The following DNAH14 variants were observed in gnomAD, a reference collection of about 807,000 sequenced individuals.
The protein encoded by DNAH14 is dynein axonemal heavy chain 14.
DNAH14 carries 478 observed loss-of-function variants against 520.9 expected under a neutral mutation model. The observed-to-expected ratio is 0.92, with a 90% CI of 0.85 to 0.99. The LOEUF (loss-of-function observed/expected upper bound fraction) is 0.99. Ranked by LOEUF, DNAH14 falls within the 50% of genes least tolerant of loss-of-function variation. The probability of loss-of-function intolerance (pLI) is 0.00; values close to 1 mark genes in which losing one functional copy is unlikely to be tolerated. For missense variants in DNAH14, 4,831 were observed against 5,234.5 expected, an observed-to-expected ratio of 0.92 and a Z score of 2.38; for synonymous variants, 1,581 against 1,757.2, an observed-to-expected ratio of 0.90 and a Z score of 2.51.
In DNAH14 at chr1:225,167,966, T is replaced by C. The variant is rs575956585; in HGVS notation, c.5473T>C (p.Leu1825=). The C allele has an allele frequency of 1.0e-4, 157 of 1,537,040 alleles. 1 individual carries two copies. The highest frequency in any genetic ancestry group is 3.9e-4 in the East Asian group (16 of 40,540). The stretch of plus-strand genomic sequence containing the variant: ...AGTAATATATACTGCAACTCAGCAA[T>C]TGGGTTTACAAAACTGGTCATCTCA... The part of the protein sequence containing the change: ...EKVIYTATQQ[L]GLQNWSSQKE... The change falls in exon 36 of 86, where the codon TTG becomes CTG. Residue 1825 remains leucine, a synonymous_variant. Transcript: ENST00000682510.
intron 61 of DNAH14, among the ~76,000 whole-genome samples, chr1:225,320,998 A>G (rs1287417259): frequency 1.3e-5 from 2 of 152,144 alleles, no homozygotes; most frequent in African/African-American, 4.8e-5. Context: ...AAAATTGAGG[A>G]AAGGTTCCTT....
At position 224,979,687 on chromosome 1, in the gene DNAH14, G is replaced by A. The variant is rs151270807; in HGVS notation, c.830+5534G>A. On this transcript the variant is annotated intron_variant, in intron 8 of 85. Transcript: ENST00000682510. ...TAAGAGAGTGCTTGCACCTACCTCC[G>A]CTAACCCCAGGCAGCACACCTCACA... Among the ~76,000 whole-genome samples the A allele has an allele frequency of 3.6e-3, 543 of 152,272 alleles. 2 individuals are homozygous for A. Among genetic ancestry groups the A allele is most frequent in the Non-Finnish European group, 6.3e-3 (431 of 68,030 alleles).
intron 77 of DNAH14, among the ~76,000 whole-genome samples, chr1:225,370,379 T>C (rs2095605514): frequency 6.6e-6 from 1 of 151,182 alleles, no homozygotes; most frequent in African/African-American, 2.4e-5. Flanking sequence ...TATATATATA[T>C]AGCCAGGTGG....
intron 11 of DNAH14, among the ~76,000 whole-genome samples, chr1:225,038,004 A>G (rs1268831347): frequency 6.6e-6 from 1 of 152,062 alleles, no homozygotes; most frequent in East Asian, 1.9e-4. Context: ...CTGTGTTTTT[A>G]TGTGTACTTA....
chr1:225,222,349 T>C (rs649637), intron 41 of DNAH14, among the ~76,000 whole-genome samples: 47,861 of 152,026 alleles, frequency 0.31, 8,724 homozygotes, highest in East Asian at 0.61. Flanking sequence ...GGAGTTGGTT[T>C]CTTCCAGTGG....
intron 77 of DNAH14, 80 bp downstream of exon 77, chr1:225,368,112 A>T: frequency 8.2e-7 from 1 of 1,212,188 alleles, no homozygotes; most frequent in African/African-American, 1.5e-5. Flanking sequence ...GCCTACACAA[A>T]TGTGAGTGTT....
At chr1:225,396,968 A>G (rs1409712930) in intron 84 of DNAH14, 1 of 152,108 alleles carries the variant, frequency 6.6e-6, no homozygotes, top group Non-Finnish European at 1.5e-5. Flanking sequence ...GTTAAGGGGA[A>G]GAGAAGTAAA....
chr1:225,293,635 G>A (rs2093941753), intron 55 of DNAH14, among the ~76,000 whole-genome samples: 1 of 152,072 alleles, frequency 6.6e-6, no homozygotes, highest in Non-Finnish European at 1.5e-5. Flanking sequence ...TGGACACAGA[G>A]GGGAACCATA....
At position 225,276,091 on chromosome 1, in the gene DNAH14, T is replaced by C. The variant is rs554748539; in HGVS notation, c.8178+10T>C. ...TTCAATTTCTTTGGAGGTAAACATA[T>C]ATACTATATAAAAATCTGAGGAGTG... is the stretch of plus-strand genomic sequence containing the variant. On this transcript the variant is annotated intron_variant, in intron 53 of 85. Transcript: ENST00000682510. 2.3e-5 allele frequency: 6 copies of C among 265,912 alleles called. No individual in the cohort carries two copies. In the South Asian group the frequency reaches 2.7e-4, roughly 12 times the overall value. The allele number at this position is 265,912 out of a possible 1,614,324, so 16.5% of individuals were successfully genotyped here. A position where few individuals can be genotyped will look rare whatever the true frequency, so the allele number is the denominator to read the frequency against.
At chr1:225,128,461 C>A (rs1428610206) in intron 27 of DNAH14, among the ~76,000 whole-genome samples, 16 of 152,064 alleles carry the variant, frequency 1.1e-4, no homozygotes, top group Admixed American at 4.6e-4. Context: ...CAAAAAGCTT[C>A]TCCACCATGA....
intron 58 of DNAH14, among the ~76,000 whole-genome samples, chr1:225,305,673 G>A (rs2094224678): frequency 6.6e-6 from 1 of 152,166 alleles, no homozygotes; most frequent in Non-Finnish European, 1.5e-5. Context: ...GATCAGGGGT[G>A]TCCTGCCAAC....
In DNAH14 at chr1:225,023,642, T is replaced by C; in HGVS notation, c.1135T>C (p.Tyr379His). Residue 379 changes from tyrosine (Y) to histidine (H), a missense_variant, in exon 11 of 86, where the codon TAT (tyrosine) becomes CAT (histidine). Coordinates refer to ENST00000682510, the MANE Select transcript of DNAH14 (RefSeq NM_001367479.1). ...TGCAGAAAAGAATGAAATCAAAGAG[T>C]ATTTTGAGTCAAAACTCTCTGAAGA... is the stretch of plus-strand genomic sequence containing the variant. ...KVAEKNEIKE[Y>H]FESKLSEDDT... is the part of the protein sequence containing the mutation. 1 of 1,541,268 alleles carries C rather than the reference T, an allele frequency of 6.5e-7. No individual in the cohort carries two copies. The highest frequency in any genetic ancestry group is 2.5e-5 in the East Asian group (1 of 40,574).
intron 75 of DNAH14, 114 bp downstream of exon 75, chr1:225,361,005 C>A (rs749865837): frequency 2.1e-6 from 2 of 969,098 alleles, no homozygotes; most frequent in South Asian, 3.4e-5. Context: ...ATGTGCTGAG[C>A]CACTCAGATG....
chr1:225,131,487 C>G (rs1243600948), intron 27 of DNAH14, among the ~76,000 whole-genome samples: 1 of 152,190 alleles, frequency 6.6e-6, no homozygotes, highest in Non-Finnish European at 1.5e-5. Flanking sequence ...TCCTAGCTCT[C>G]TCTGCTCACA....
chr1:224,934,754 G>A (rs953674875), intron 1 of DNAH14, among the ~76,000 whole-genome samples: 4 of 151,734 alleles, frequency 2.6e-5, no homozygotes, highest in African/African-American at 9.7e-5. Context: ...TAAAGTCAAA[G>A]ATAGAATCTT....
chr1:225,331,996 T>C (rs1009894616), intron 65 of DNAH14, among the ~76,000 whole-genome samples: 1 of 151,768 alleles, frequency 6.6e-6, no homozygotes, highest in Admixed American at 6.6e-5. Flanking sequence ...AGTAAGTTTA[T>C]TAAGAAAGTA....
At chr1:225,210,737 C>T (rs535773923) in intron 41 of DNAH14, among the ~76,000 whole-genome samples, 9 of 152,180 alleles carry the variant, frequency 5.9e-5, no homozygotes, top group Non-Finnish European at 1.3e-4. Flanking sequence ...CCAACAAACA[C>T]CTCATACAGG....
At chr1:225,266,821 A>C in intron 49 of DNAH14, 52 bp downstream of exon 49, 1 of 1,416,858 alleles carries the variant, frequency 7.1e-7, no homozygotes, top group Non-Finnish European at 9.3e-7. Context: ...TCTCACACTA[A>C]ATTAAATGTT....
chr1:225,308,477 T>C, intron 60 of DNAH14, 67 bp downstream of exon 60: 1 of 1,453,354 alleles, frequency 6.9e-7, no homozygotes, highest in Non-Finnish European at 9.1e-7. Flanking sequence ...AACCTTCAAA[T>C]TTAAAAGTCA....
Sources: gnomAD v4.1 joint callset for allele counts (sites outside exome capture counted in the v4.1 genomes callset) on GRCh38, gnomAD v4.1.1 for gene constraint, MANE v1.5 for transcripts, NCBI Gene and HGNC (gene_info 2026-07-23, HGNC 2026-07-21) for gene names.